Variants in STARD13 observed in about 807,000 individuals in gnomAD.
The protein encoded by STARD13 is StAR related lipid transfer domain containing 13, also known as stAR-related lipid transfer protein 13.
A neutral mutation model predicts 106.4 loss-of-function variants in STARD13; 62 were observed. The observed-to-expected ratio is 0.58, with a 90% CI of 0.48 to 0.72. The LOEUF (loss-of-function observed/expected upper bound fraction) is 0.72, where lower values mean the gene tolerates loss of function less well. Among genes scored for constraint, STARD13 ranks in the 30% least tolerant of loss-of-function variants. STARD13 has a pLI of 0.00. For missense variants in STARD13, 1,387 were observed against 1,424.0 expected (o/e 0.97, Z 0.42); for synonymous variants, 565 against 553.0 (o/e 1.02, Z -0.31).
At chr13:33,627,301 A>G in the STARD13 span, among the ~76,000 whole-genome samples, 1 of 152,196 alleles carries the variant, frequency 6.6e-6, no homozygotes, top group Non-Finnish European at 1.5e-5. Flanking sequence ...AGGTAGGATT[A>G]GTTTCTCCAC....
At chr13:33,637,269 CTG>C in the STARD13 span, among the ~76,000 whole-genome samples, 2 of 152,156 alleles carry the variant, frequency 1.3e-5, no homozygotes, top group Non-Finnish European at 2.9e-5. Flanking sequence ...GTTCTAAACT[CTG>C]AGCCATTCAA....
chr13:33,634,228 C>A, the STARD13 span, among the ~76,000 whole-genome samples: 1 of 152,190 alleles, frequency 6.6e-6, no homozygotes, highest in Non-Finnish European at 1.5e-5. Flanking sequence ...TGAGTGGCAT[C>A]ATAGCATCTG....
At chr13:33,418,731 G>A in the STARD13 span, among the ~76,000 whole-genome samples, 1 of 152,176 alleles carries the variant, frequency 6.6e-6, no homozygotes, top group African/African-American at 2.4e-5. Flanking sequence ...CCTCTGGGAC[G>A]AAGCTTCCAG....
the STARD13 span, among the ~76,000 whole-genome samples, chr13:33,671,833 A>G: frequency 6.6e-6 from 1 of 152,226 alleles, no homozygotes; most frequent in Non-Finnish European, 1.5e-5. Flanking sequence ...AATTATAGTC[A>G]CAATTATAGT....
chr13:33,432,725 C>T, the STARD13 span, among the ~76,000 whole-genome samples: 18 of 152,176 alleles, frequency 1.2e-4, 1 homozygote, highest in East Asian at 3.5e-3. Context: ...TTTTCAGAAG[C>T]AAAAATTATG....
At chr13:33,389,711 A>G in the STARD13 span, among the ~76,000 whole-genome samples, 3 of 152,202 alleles carry the variant, frequency 2.0e-5, no homozygotes, top group Non-Finnish European at 4.4e-5. Flanking sequence ...TACTTCCATT[A>G]AATTTATATT....
At chr13:33,309,425 A>G (rs992775438) in intron 1 of STARD13, among the ~76,000 whole-genome samples, 2 of 152,188 alleles carry the variant, frequency 1.3e-5, no homozygotes, top group Non-Finnish European at 2.9e-5. Flanking sequence ...TCTTAGCTCT[A>G]TGCAAGGAGA....
chr13:33,481,317 C>G, the STARD13 span, among the ~76,000 whole-genome samples: 2 of 152,016 alleles, frequency 1.3e-5, no homozygotes, highest in Admixed American at 6.6e-5. Context: ...AATAATCATT[C>G]TAGGCATCGA....
intron 1 of STARD13, among the ~76,000 whole-genome samples, chr13:33,316,108 A>C (rs1313134147): frequency 6.6e-6 from 1 of 152,226 alleles, no homozygotes; most frequent in East Asian, 1.9e-4. Flanking sequence ...CATAAAGATC[A>C]CATTTACTTT....
the STARD13 span, among the ~76,000 whole-genome samples, chr13:33,530,149 C>A: frequency 6.6e-6 from 1 of 151,000 alleles, no homozygotes; most frequent in Non-Finnish European, 1.5e-5. Context: ...GCTTCTTCAA[C>A]ACCTTATTTT....
At chr13:33,350,594 G>C in exon 1 of STARD13, 7 of 1,385,938 alleles carry the variant, frequency 5.1e-6, no homozygotes, top group Non-Finnish European at 6.5e-6. Flanking sequence ...GCGAGGACCG[G>C]GATGCCTGGC....
At chr13:33,343,031 TC>T (rs2077977736) in intron 1 of STARD13, among the ~76,000 whole-genome samples, 2 of 152,326 alleles carry the variant, frequency 1.3e-5, no homozygotes, top group South Asian at 4.1e-4. Flanking sequence ...ACATTATATC[TC>T]TGGCTCTGAC....
At chr13:33,446,065 G>A in the STARD13 span, among the ~76,000 whole-genome samples, 1 of 151,232 alleles carries the variant, frequency 6.6e-6, no homozygotes, top group Admixed American at 6.6e-5. Context: ...ATATTTCAAA[G>A]CATTGTAATC....
the STARD13 span, among the ~76,000 whole-genome samples, chr13:33,528,243 C>CATATATATGTATATATATAT: frequency 1.1e-5 from 1 of 93,482 alleles, no homozygotes; most frequent in Admixed American, 1.1e-4. Context: ...TATATATATA[C>CATATATATGTATATATATAT]ATATATATAT....
chr13:33,550,140 T>C, the STARD13 span, among the ~76,000 whole-genome samples: 2 of 152,196 alleles, frequency 1.3e-5, no homozygotes. Context: ...AGAATCCTTA[T>C]CAAGCAGTGC....
the STARD13 span, among the ~76,000 whole-genome samples, chr13:33,474,151 T>A: frequency 6.6e-6 from 1 of 152,154 alleles, no homozygotes; most frequent in Non-Finnish European, 1.5e-5. Flanking sequence ...TCTGGTTGAA[T>A]GGGAAAGCAA....
chr13:33,291,604 A>G (rs1462443158), intron 1 of STARD13, among the ~76,000 whole-genome samples: 1 of 152,176 alleles, frequency 6.6e-6, no homozygotes, highest in East Asian at 1.9e-4. Flanking sequence ...GGATGCCTGA[A>G]AAACAGGGCA....
the STARD13 span, among the ~76,000 whole-genome samples, chr13:33,616,312 AAAG>A: frequency 3.9e-5 from 6 of 152,068 alleles, no homozygotes; most frequent in African/African-American, 1.2e-4. Flanking sequence ...GAAAGAAAGA[AAAG>A]AAGAAAGACC....
At chr13:33,144,531 C>A (rs76848121) in intron 3 of STARD13, among the ~76,000 whole-genome samples, 16 of 152,346 alleles carry the variant, frequency 1.1e-4, no homozygotes, top group Non-Finnish European at 2.4e-4. Flanking sequence ...GACTGAAATA[C>A]GTTTAATGAC....
Sources: allele counts gnomAD v4.1 joint callset (sites outside exome capture counted in the v4.1 genomes callset), GRCh38; gene constraint gnomAD v4.1.1; transcripts MANE v1.5; gene names NCBI Gene and HGNC (gene_info 2026-07-23, HGNC 2026-07-21).